UNKL: variants seen among roughly 807,000 people sequenced by gnomAD.
UNKL encodes the protein putative E3 ubiquitin-protein ligase UNKL.
UNKL carries 60 observed loss-of-function variants against 78.0 expected under a neutral mutation model. That is an observed-to-expected ratio of 0.77 (90% CI 0.63 to 0.95). The LOEUF (loss-of-function observed/expected upper bound fraction) is 0.95. Among genes scored for constraint, UNKL ranks in the 40% least tolerant of loss-of-function variants. The pLI, the probability that UNKL is intolerant of heterozygous loss-of-function variation, is 0.00. For synonymous variants in UNKL, 608 were observed against 474.8 expected, an observed-to-expected ratio of 1.28 and a Z score of -3.65; for missense variants, 1,159 against 1,045.7, an observed-to-expected ratio of 1.11 and a Z score of -1.49.
At chr16:1,401,097 G>A (rs2037504880) in intron 4 of UNKL, among the ~76,000 whole-genome samples, 1 of 152,174 alleles carries the variant, frequency 6.6e-6, no homozygotes, top group Non-Finnish European at 1.5e-5. Flanking sequence ...TGGTCCATAT[G>A]TTTCTGGCCA....
chr16:1,364,674 G>T lies in UNKL; in HGVS notation c.*1566C>A, dbSNP rs58261732. 33,234 of 152,242 alleles carry T rather than the reference G, an allele frequency of 0.22. 4,403 individuals carry two copies. The highest frequency in any genetic ancestry group is 0.69 in the East Asian group (3,547 of 5,168). The allele number at this position is 152,242 out of a possible 1,614,324, so 9.4% of individuals were successfully genotyped here. Reference sequence around the variant, plus strand: ...CACAGCAGAGCCGGGACCTGGGGGGGGTCGCTTCCCCCGTGTGCTCCAGGC... The same window carrying T: ...CACAGCAGAGCCGGGACCTGGGGGGTGTCGCTTCCCCCGTGTGCTCCAGGC... On this transcript the variant is annotated 3_prime_UTR_variant, in exon 15 of 15. Transcript: ENST00000389221.
intron 10 of UNKL, among the ~76,000 whole-genome samples, chr16:1,383,027 A>G (rs2142077719): frequency 6.6e-6 from 1 of 151,234 alleles, no homozygotes; most frequent in Non-Finnish European, 1.5e-5. Context: ...TGGGAGGCCC[A>G]GGCGGGCAGA....
intron 2 of UNKL, chr16:1,406,217 A>AT (rs2037756207): frequency 1.3e-5 from 3 of 224,636 alleles, no homozygotes; most frequent in Non-Finnish European, 2.4e-5. Context: ...CTATATTGCT[A>AT]ATTTTTTTTT....
rs1237845074 is a variant in UNKL at position 1,403,393 on chromosome 16, C to T, written c.288-49G>A. Reference sequence around the variant, plus strand: ...TGCCTGGTTATCATGGACCCAGAGGCAGCCCTAAGCTCCCTGGGTCCACGC... The same window carrying T: ...TGCCTGGTTATCATGGACCCAGAGGTAGCCCTAAGCTCCCTGGGTCCACGC... On this transcript the variant is annotated intron_variant, in intron 2 of 14. Transcript: ENST00000389221. This position sits in a 1 kb window ranked among gnomAD's most constrained non-coding sequence, Gnocchi z 4.8. 1.3e-6 allele frequency: 2 copies of T among 1,565,684 alleles called. No individual in the cohort carries two copies. The highest frequency in any genetic ancestry group is 2.4e-5 in the South Asian group (2 of 82,220).
At chr16:1,398,837 GGGGCTCA>G in intron 5 of UNKL, 1 of 1,563,552 alleles carries the variant, frequency 6.4e-7, no homozygotes, top group Non-Finnish European at 8.7e-7. Context: ...GGGGACAGCT[GGGGCTCA>G]GGCGGTGGAG....
chr16:1,409,186 A>AC lies in UNKL; in HGVS notation c.287+4659dup, dbSNP rs1430210235. Among the ~76,000 whole-genome samples, 10 of 152,232 alleles carry AC rather than the reference A, an allele frequency of 6.6e-5. No homozygotes were observed. The East Asian group carries it at 1.9e-3, about 29-fold the overall frequency. ...CTCGGCCTCCCAAAGTGCTGGGATT[A>AC]CAGGCGTGAGCCACCGCGCCCAGCC... On this transcript the variant is annotated intron_variant, in intron 2 of 14. Transcript: ENST00000389221.
intron 13 of UNKL, 68 bp downstream of exon 13, chr16:1,367,588 C>G: frequency 8.8e-7 from 1 of 1,133,572 alleles, no homozygotes; most frequent in African/African-American, 2.2e-5. Context: ...ATCTCACCCC[C>G]ACACGCTCAC....
At chr16:1,368,084 A>C in intron 12 of UNKL, 1 of 582,870 alleles carries the variant, frequency 1.7e-6, no homozygotes, top group Admixed American at 3.1e-5. Context: ...TCTCCCCACC[A>C]GATCTACGCC....
chr16:1,393,003 C>CT (rs1185076763), intron 7 of UNKL, 27 bp from the exon 8 acceptor site: 2 of 1,548,914 alleles, frequency 1.3e-6, no homozygotes, highest in East Asian at 2.4e-5. Flanking sequence ...GCAGCAGACT[C>CT]TGAGGGCCGC....
At position 1,367,081 on chromosome 16, in the gene UNKL, G is replaced by A. The variant is rs755505366; in HGVS notation, c.2046+11C>T. ...AGGCTGGCCCCTCACCCTGCCCAGA[G>A]CAGGACTCACGCCGTCCACCGCCTC... On this transcript the variant is annotated intron_variant, in intron 14 of 14. Transcript: ENST00000389221. 6.5e-7 allele frequency: 1 copy of A among 1,534,922 alleles called. No individual in the cohort carries two copies. Among genetic ancestry groups the A allele is most frequent in the South Asian group, 1.2e-5 (1 of 80,354 alleles).
chr16:1,383,748 A>G (rs1413963918), intron 10 of UNKL: 2 of 418,170 alleles, frequency 4.8e-6, no homozygotes, highest in Non-Finnish European at 1.0e-5. Context: ...CGCCGCCCAC[A>G]TTGACGCGGG....
rs2037424855 is a variant in UNKL at position 1,399,566 on chromosome 16, A to C, written c.599-57T>G. ...CGCGACTGGAAGCAATGCTGGGCAG[A>C]GGAGACCAAAGGTGGAAGGACCTGG... On this transcript the variant is annotated intron_variant, in intron 4 of 14. Transcript: ENST00000389221. The surrounding 1 kb of genome is among the most constrained non-coding windows in gnomAD (Gnocchi z 5.8). 2 of 1,547,420 alleles carry C rather than the reference A, an allele frequency of 1.3e-6. No homozygotes were observed. The highest frequency in any genetic ancestry group is 1.4e-5 in the African/African-American group (1 of 73,050).
chr16:1,386,272 G>A (rs1208812750), intron 9 of UNKL, among the ~76,000 whole-genome samples: 2 of 152,134 alleles, frequency 1.3e-5, no homozygotes, highest in East Asian at 1.9e-4. Context: ...ATTAGCCAAG[G>A]CCGGGCGCGG....
intron 10 of UNKL, among the ~76,000 whole-genome samples, chr16:1,374,454 C>T (rs1301414692): frequency 2.6e-5 from 4 of 152,140 alleles, no homozygotes; most frequent in African/African-American, 7.2e-5. Flanking sequence ...CACCTGGGAC[C>T]GATGGTCCCT....
chr16:1,396,858 ACAGGCG>A (rs2037288179), intron 6 of UNKL, among the ~76,000 whole-genome samples: 1 of 152,180 alleles, frequency 6.6e-6, no homozygotes, highest in South Asian at 2.1e-4. Context: ...TGCTGGGATT[ACAGGCG>A]TGAGCTACTG....
At position 1,366,118 on chromosome 16, in the gene UNKL, A is replaced by G; in HGVS notation, c.*122T>C. On this transcript the variant is annotated 3_prime_UTR_variant, in exon 15 of 15. Coordinates refer to ENST00000389221, the MANE Select transcript of UNKL (RefSeq NM_001372107.1). ...TCCCAGCCTCATGATAACGTGTAACAGGAAGGGCTCCCAGCCTCGGTCCTC... is the reference window on the plus strand; with the variant it reads ...TCCCAGCCTCATGATAACGTGTAACGGGAAGGGCTCCCAGCCTCGGTCCTC... 8.1e-7 allele frequency: 1 copy of G among 1,231,172 alleles called. No homozygotes were observed. Among genetic ancestry groups the G allele is most frequent in the Non-Finnish European group, 1.1e-6 (1 of 935,126 alleles). 76.3% of individuals were successfully genotyped at this position (1,231,172 alleles called of 1,614,324 possible).
In UNKL at chr16:1,398,278, T is replaced by A. The variant is rs2037363652; in HGVS notation, c.735-983A>T. The A allele has an allele frequency of 6.0e-6, 6 of 995,652 alleles. No individual in the cohort carries two copies. In the South Asian group the frequency reaches 2.6e-4, roughly 43 times the overall value. The allele number at this position is 995,652 out of a possible 1,614,324, so 61.7% of individuals were successfully genotyped here. On this transcript the variant is annotated intron_variant, in intron 5 of 14. Transcript: ENST00000389221. ...GGCCACAGAGTGAGACTCTGTCTCA[T>A]AAAAAAACAAAATCCTCTACTCTTC...
chr16:1,410,280 A>AG (rs1016687742), intron 2 of UNKL, among the ~76,000 whole-genome samples: 3 of 149,950 alleles, frequency 2.0e-5, no homozygotes, highest in Non-Finnish European at 4.4e-5. Context: ...AAAAAAAAAA[A>AG]AGAGAGAAAA....
chr16:1,375,826 G>T (rs975227596), intron 10 of UNKL, among the ~76,000 whole-genome samples: 3 of 152,160 alleles, frequency 2.0e-5, no homozygotes, highest in African/African-American at 7.2e-5. Context: ...TCACAGGACG[G>T]TGGCGTCCCT....
Sources: allele counts gnomAD v4.1 joint callset (sites outside exome capture counted in the v4.1 genomes callset), GRCh38; gene constraint gnomAD v4.1.1; non-coding constraint Gnocchi (gnomAD v3.1); transcripts MANE v1.5; gene names NCBI Gene and HGNC (gene_info 2026-07-23, HGNC 2026-07-21).